The following FRMD8 variants were observed in gnomAD, a reference collection of about 807,000 sequenced individuals.
The protein encoded by FRMD8 is FERM domain containing 8.
A neutral mutation model predicts 54.2 loss-of-function variants in FRMD8; 37 were observed. The ratio of observed to expected loss-of-function variants is 0.68; its 90% CI spans 0.53 to 0.90. FRMD8 has a LOEUF of 0.90. Ranked by LOEUF, FRMD8 falls within the 40% of genes least tolerant of loss-of-function variation. The pLI is 0.00. For synonymous variants in FRMD8, 246 were observed against 286.9 expected, an observed-to-expected ratio of 0.86 and a Z score of 1.44; for missense variants, 585 against 653.7, an observed-to-expected ratio of 0.89 and a Z score of 1.15.
intron 9 of FRMD8, among the ~76,000 whole-genome samples, chr11:65,402,370 A>C (rs970933707): frequency 7.2e-5 from 11 of 152,210 alleles, no homozygotes; most frequent in East Asian, 1.9e-4. Context: ...AAAAAAAAGA[A>C]AGACATTGAA....
At chr11:65,371,771 T>A in the FRMD8 span, among the ~76,000 whole-genome samples, 1 of 151,352 alleles carries the variant, frequency 6.6e-6, no homozygotes, top group Non-Finnish European at 1.5e-5. Flanking sequence ...CGTGCCACCA[T>A]GCCCGGCTAA....
At chr11:65,381,945 C>G (rs1229740602), upstream of FRMD8, 4 of 1,614,092 alleles carry the variant, frequency 2.5e-6, no homozygotes, top group Non-Finnish European at 3.4e-6. Context: ...AATTCCTCCA[C>G]CGGCATTGTC....
intron 7 of FRMD8, among the ~76,000 whole-genome samples, chr11:65,397,660 C>T (rs1022074744): frequency 2.6e-5 from 4 of 152,176 alleles, no homozygotes; most frequent in African/African-American, 7.2e-5. Context: ...CGTTGTCCTC[C>T]GCTGAGCTGG....
At chr11:65,374,587 T>C in the FRMD8 span, among the ~76,000 whole-genome samples, 1 of 152,136 alleles carries the variant, frequency 6.6e-6, no homozygotes, top group Non-Finnish European at 1.5e-5. Context: ...GATAGGGACA[T>C]TAGTGGGTAC....
chr11:65,399,944 G>A, intron 8 of FRMD8, 85 bp downstream of exon 8: 2 of 1,499,760 alleles, frequency 1.3e-6, no homozygotes, highest in Admixed American at 2.0e-5. Context: ...GCCTGTGGGG[G>A]CCTGGGGGCA....
At chr11:65,389,275 C>T in intron 2 of FRMD8, 86 bp from the exon 3 acceptor site, 2 of 1,347,252 alleles carry the variant, frequency 1.5e-6, no homozygotes, top group Admixed American at 1.7e-5. Flanking sequence ...GCTCCAGCCC[C>T]AGTGGGTGGT....
chr11:65,407,964 C>A (rs1388028856), intron 10 of FRMD8, among the ~76,000 whole-genome samples: 1 of 151,756 alleles, frequency 6.6e-6, no homozygotes, highest in African/African-American at 2.4e-5. Context: ...CCAGCTGTGG[C>A]CGTCAGCGGC....
intron 7 of FRMD8, among the ~76,000 whole-genome samples, chr11:65,399,522 A>G (rs1238528099): frequency 6.6e-6 from 1 of 152,132 alleles, no homozygotes; most frequent in Admixed American, 6.5e-5. Context: ...TCTCTGTGCC[A>G]TCAGGCCCTT....
intron 10 of FRMD8, among the ~76,000 whole-genome samples, chr11:65,405,349 C>T (rs772263747): frequency 1.5e-4 from 23 of 152,202 alleles, no homozygotes; most frequent in South Asian, 4.1e-4. Context: ...AGGTGGGGCG[C>T]GGTGGCTCAC....
intron 3 of FRMD8, among the ~76,000 whole-genome samples, 185 bp downstream of exon 3, chr11:65,389,713 G>A (rs1048592616): frequency 5.3e-5 from 8 of 152,298 alleles, no homozygotes; most frequent in East Asian, 1.9e-4. Flanking sequence ...GAAGGCCCCC[G>A]CTCCTGGCCC....
chr11:65,403,263 A>G (rs1346139296), intron 9 of FRMD8, among the ~76,000 whole-genome samples: 1 of 151,840 alleles, frequency 6.6e-6, no homozygotes, highest in Non-Finnish European at 1.5e-5. Flanking sequence ...GCTCACTGCA[A>G]CCTCCGCCTC....
Position 65,404,637 on chromosome 11 carries a change from T to C in FRMD8, c.1072-227T>C, listed in dbSNP as rs927411858. Among the ~76,000 whole-genome samples, 10 of 152,140 alleles carry C rather than the reference T, an allele frequency of 6.6e-5. No homozygotes were observed. The highest frequency in any genetic ancestry group is 1.2e-4 in the Non-Finnish European group (8 of 67,984). ...TGTGCCTTCTGACCAGAATGTTCTT[T>C]CTTTCCCACCTGAACTCCCAGATCT... On this transcript the variant is annotated intron_variant, in intron 9 of 10. Coordinates refer to ENST00000317568, the MANE Select transcript of FRMD8 (RefSeq NM_031904.5). The surrounding 1 kb of genome is among the most constrained non-coding windows in gnomAD (Gnocchi z 4.7).
chr11:65,411,229 C>T lies in FRMD8; in HGVS notation c.1277-13C>T. The T allele has an allele frequency of 1.3e-6, 2 of 1,598,450 alleles. No homozygotes were observed. The highest frequency in any genetic ancestry group is 1.7e-6 in the Non-Finnish European group (2 of 1,171,268). On this transcript the variant is annotated splice_polypyrimidine_tract_variant and intron_variant, in intron 10 of 10. Transcript: ENST00000317568. Reference sequence around the variant, plus strand: ...AGCGCCTCTGCTCAGTGTGCCCTCCCATTCCCTCGCAGGCAAGGGGATCAG... The same window carrying T: ...AGCGCCTCTGCTCAGTGTGCCCTCCTATTCCCTCGCAGGCAAGGGGATCAG...
chr11:65,386,981 C>T, intron 1 of FRMD8, 56 bp from the exon 2 acceptor site: 1 of 1,483,148 alleles, frequency 6.7e-7, no homozygotes, highest in Non-Finnish European at 9.3e-7. Flanking sequence ...CTTGAGGAGA[C>T]CTCCAGCCCC....
At position 65,389,086 on chromosome 11, in the gene FRMD8, C is replaced by T. The variant is rs141834691; in HGVS notation, c.86-275C>T. 5.9e-4 allele frequency among the ~76,000 whole-genome samples: 89 copies of T among 151,798 alleles called. 1 individual carries two copies. The highest frequency in any genetic ancestry group is 3.4e-3 in the Middle Eastern group (1 of 294). On this transcript the variant is annotated intron_variant, in intron 2 of 10. Coordinates refer to ENST00000317568, the MANE Select transcript of FRMD8 (RefSeq NM_031904.5). ...GCTTAATTTGAATCTTGGGGGATTG[C>T]GGTGGGGCTGGTCTCTGGGCAGGAG...
At position 65,411,352 on chromosome 11, in the gene FRMD8, C is replaced by T; in HGVS notation, c.1387C>T (p.Gln463Ter). 2 of 1,595,312 alleles carry T rather than the reference C, an allele frequency of 1.3e-6. No individual in the cohort carries two copies. The highest frequency in any genetic ancestry group is 1.7e-6 in the Non-Finnish European group (2 of 1,171,696). The change falls in exon 11 of 11, where the codon CAG becomes TAG. Residue 463 changes from glutamine (Q) to a stop codon, truncating the protein, a stop_gained. Transcript: ENST00000317568. LOFTEE classifies it high-confidence loss of function. ...GGTGCAGCCCGGCGACAGCCTGGAG[C>T]AGGGCTGAGGACGCTGCACCCGGCA... ...TVVQPGDSLE[Q>*]G is the part of the protein sequence containing the mutation.
intron 7 of FRMD8, among the ~76,000 whole-genome samples, chr11:65,397,593 G>A (rs1855983906): frequency 6.6e-6 from 1 of 152,248 alleles, no homozygotes; most frequent in Admixed American, 6.5e-5. Flanking sequence ...TGGATGTGCA[G>A]TGGATGAAGC....
chr11:65,393,938 A>T, intron 4 of FRMD8, 103 bp from the exon 5 acceptor site: 1 of 1,260,804 alleles, frequency 7.9e-7, no homozygotes, highest in Non-Finnish European at 1.1e-6. Flanking sequence ...CGGTTTTCTC[A>T]GCCCTGGTGG....
intron 10 of FRMD8, among the ~76,000 whole-genome samples, chr11:65,409,998 T>A (rs1454606734): frequency 6.7e-6 from 1 of 150,124 alleles, no homozygotes; most frequent in Non-Finnish European, 1.5e-5. Context: ...CACCTAGGCT[T>A]AGGAGGTAAG....
Sources: allele counts gnomAD v4.1 joint callset (sites outside exome capture counted in the v4.1 genomes callset), GRCh38; gene constraint gnomAD v4.1.1; non-coding constraint Gnocchi (gnomAD v3.1); transcripts MANE v1.5; gene names NCBI Gene and HGNC (gene_info 2026-07-23, HGNC 2026-07-21).